The following PI4KA variants were observed in gnomAD, a reference collection of about 807,000 sequenced individuals.
The protein encoded by PI4KA is phosphatidylinositol 4-kinase alpha, also known as PI4-kinase alpha.
PI4KA carries 122 observed loss-of-function variants against 271.4 expected under a neutral mutation model. That is an observed-to-expected ratio of 0.45 (90% CI 0.39 to 0.52). The LOEUF is 0.52. Among genes scored for constraint, PI4KA ranks in the 20% least tolerant of loss-of-function variants. The pLI, the probability that PI4KA is intolerant of heterozygous loss-of-function variation, is 0.00. For missense variants in PI4KA, 1,969 were observed against 2,769.1 expected (o/e 0.71, Z 6.48); for synonymous variants, 1,041 against 1,078.8 (o/e 0.96, Z 0.69).
chr22:20,741,477 C>T (rs923141976), intron 32 of PI4KA, among the ~76,000 whole-genome samples: 6 of 152,162 alleles, frequency 3.9e-5, no homozygotes, highest in African/African-American at 9.7e-5. Flanking sequence ...CTCCCCCAGG[C>T]GCCCACTGGA....
intron 23 of PI4KA, among the ~76,000 whole-genome samples, chr22:20,755,802 A>G (rs1346157782): frequency 1.3e-5 from 2 of 150,950 alleles, no homozygotes; most frequent in Non-Finnish European, 3.0e-5. Flanking sequence ...ACACTGTCAC[A>G]TAAAAAAAAA....
Position 20,751,746 on chromosome 22 carries a change from G to A in PI4KA, c.2997C>T (p.His999=), listed in dbSNP as rs747807204. The A allele has an allele frequency of 1.2e-6, 2 of 1,614,044 alleles. No homozygotes were observed. Among genetic ancestry groups the A allele is most frequent in the Admixed American group, 3.3e-5 (2 of 60,010 alleles). The part of the protein sequence containing the change: ...YLSGLVDKFP[H]LLWSGTVLKT... ...TCAGCACAGTCCCGCTCCAGAGCAA[G>A]TGGGGAAACCTGCACCAAGAGCCAG... is the stretch of plus-strand genomic sequence containing the variant. The change falls in exon 26 of 55, where the codon CAC becomes CAT. Residue 999 remains histidine (H), a synonymous_variant. Transcript: ENST00000255882.
intron 17 of PI4KA, among the ~76,000 whole-genome samples, chr22:20,796,741 A>G (rs1935009954): frequency 6.6e-6 from 1 of 152,130 alleles, no homozygotes; most frequent in Non-Finnish European, 1.5e-5. Context: ...CAGAACTTTC[A>G]CCTCATGACC....
At chr22:20,785,098 C>CT in intron 19 of PI4KA, among the ~76,000 whole-genome samples, 1 of 135,266 alleles carries the variant, frequency 7.4e-6, no homozygotes, top group East Asian at 2.1e-4. Context: ...GAGACAGGGT[C>CT]TTGTTCTGTC....
At chr22:20,782,117 G>C (rs1044584056) in intron 19 of PI4KA, among the ~76,000 whole-genome samples, 2 of 152,148 alleles carry the variant, frequency 1.3e-5, no homozygotes, top group African/African-American at 4.8e-5. Context: ...AAGCATTTTT[G>C]GCAGCATCAA....
intron 1 of PI4KA, among the ~76,000 whole-genome samples, chr22:20,855,248 T>C (rs1927453606): frequency 6.6e-6 from 1 of 151,588 alleles, no homozygotes; most frequent in Admixed American, 6.6e-5. Context: ...ACACATATTA[T>C]AGGACTACAT....
intron 1 of PI4KA, among the ~76,000 whole-genome samples, chr22:20,853,735 G>A (rs1927267349): frequency 6.6e-6 from 1 of 152,060 alleles, no homozygotes; most frequent in South Asian, 2.1e-4. Context: ...TTTGGCTATG[G>A]GAACATGGCA....
intron 18 of PI4KA, among the ~76,000 whole-genome samples, chr22:20,793,739 GT>G (rs1934794114): frequency 6.6e-6 from 1 of 152,198 alleles, no homozygotes; most frequent in East Asian, 1.9e-4. Flanking sequence ...ATAGGCTTCT[GT>G]ATCTTTTCTA....
intron 1 of PI4KA, among the ~76,000 whole-genome samples, chr22:20,847,339 C>T (rs1199996210): frequency 6.6e-6 from 1 of 152,120 alleles, no homozygotes; most frequent in Non-Finnish European, 1.5e-5. Context: ...ATAATCCCAG[C>T]ACTTTGGGAG....
At chr22:20,844,592 A>C (rs104658) in intron 1 of PI4KA, among the ~76,000 whole-genome samples, 74,063 of 152,102 alleles carry the variant, frequency 0.49, 18,557 homozygotes, top group African/African-American at 0.59. Context: ...GGGCCCTGAA[A>C]GCCTGGAGCA....
At chr22:20,741,472 C>T (rs1239296158) in intron 32 of PI4KA, among the ~76,000 whole-genome samples, 2 of 152,132 alleles carry the variant, frequency 1.3e-5, no homozygotes, top group Admixed American at 6.5e-5. Flanking sequence ...ACAACCTCCC[C>T]CAGGCGCCCA....
rs766536133 is a variant in PI4KA at position 20,734,050 on chromosome 22, G to A, written c.4045C>T (p.Arg1349Cys). The A allele has an allele frequency of 6.3e-6, 10 of 1,590,736 alleles. No homozygotes were observed. The highest frequency in any genetic ancestry group is 2.3e-5 in the East Asian group (1 of 43,656). The change falls in exon 34 of 55, where the codon CGC (arginine) becomes TGC (cysteine). Residue 1349 changes from arginine (R) to cysteine (C), a missense_variant. By Grantham distance (180) the Arg-to-Cys change is radical (BLOSUM62 -3). Coordinates refer to ENST00000255882, the MANE Select transcript of PI4KA (RefSeq NM_058004.4). ...CAGGAAGAGGGCCCTCACTTGAAGC[G>A]GGGCCCGATGGCCGCCACGTGCCGG... ...MNRHVAAIGPRFKLLTLGLSL... is the reference protein window; with the variant it reads ...MNRHVAAIGPCFKLLTLGLSL...
rs1412703973 is a variant in PI4KA at position 20,744,671 on chromosome 22, T to C, written c.3413A>G (p.Asn1138Ser). Residue 1138 changes from asparagine (N) to serine (S), a missense_variant, in exon 30 of 55, where the codon AAC becomes AGC. Asn to Ser is a conservative substitution (Grantham distance 46). This residue lies in a region of PI4KA where 203 missense variants were observed against 256.8 expected (regional missense o/e 0.79). Transcript: ENST00000255882. ...GCGCAGATTCAGGGATGCCATGAAG[T>C]TGGAGTAGTCTTTCTTCACACAGGC... is the stretch of plus-strand genomic sequence containing the variant. ...RPACVKKDYS[N>S]FMASLNLRNR... is the part of the protein sequence containing the mutation. The C allele has an allele frequency of 1.9e-6, 3 of 1,614,148 alleles. No homozygotes were observed. Among genetic ancestry groups the C allele is most frequent in the South Asian group, 1.1e-5 (1 of 91,078 alleles).
At chr22:20,849,935 A>G (rs1926751977) in intron 1 of PI4KA, among the ~76,000 whole-genome samples, 1 of 152,164 alleles carries the variant, frequency 6.6e-6, no homozygotes, top group Admixed American at 6.5e-5. Flanking sequence ...TTCAGAATAA[A>G]TCTACAGAGA....
chr22:20,779,229 A>G, intron 19 of PI4KA: 2 of 1,606,730 alleles, frequency 1.2e-6, no homozygotes, highest in East Asian at 4.5e-5. Context: ...GGAACCTGCC[A>G]TGTGGATGCT....
chr22:20,743,394 T>C (rs1929688082), intron 30 of PI4KA, among the ~76,000 whole-genome samples: 1 of 152,154 alleles, frequency 6.6e-6, no homozygotes, highest in South Asian at 2.1e-4. Context: ...TCCGCCCACC[T>C]TGGCCTCCCT....
In PI4KA at chr22:20,858,755, G is replaced by A. The variant is rs1319325060; in HGVS notation, c.-30C>T. 2.9e-6 allele frequency: 4 copies of A among 1,366,492 alleles called. No homozygotes were observed. The highest frequency in any genetic ancestry group is 3.8e-6 in the Non-Finnish European group (4 of 1,057,476). The allele number at this position is 1,366,492 out of a possible 1,614,324, so 84.6% of individuals were successfully genotyped here. On this transcript the variant is annotated 5_prime_UTR_variant, in exon 1 of 55. Transcript: ENST00000255882. ...TCACGAGCCGCGGCGCTGCCCGCCG[G>A]CTCCCCGCTCCTGGCCCGCGAGCGC... is the stretch of plus-strand genomic sequence containing the variant.
chr22:20,720,025 CAAAAAA>C (rs869149471), intron 43 of PI4KA, among the ~76,000 whole-genome samples: 5 of 35,388 alleles, frequency 1.4e-4, no homozygotes, highest in African/African-American at 4.4e-4. Context: ...GACTCTGTCT[CAAAAAA>C]AAAAAAAAAA....
Position 20,786,433 on chromosome 22 carries a change from T to C in PI4KA, c.2328+6760A>G, listed in dbSNP as rs544937118. Among the ~76,000 whole-genome samples, 18 of 152,296 alleles carry C rather than the reference T, an allele frequency of 1.2e-4. No individual in the cohort carries two copies. In the East Asian group the frequency reaches 3.3e-3, roughly 28 times the overall value. On this transcript the variant is annotated intron_variant, in intron 19 of 54. Transcript: ENST00000255882. ...GAGACAGGGGAGACATGTGCTGCGGTCTGGGAAATAGCTACCCCCAGCCAA... is the reference window on the plus strand; with the variant it reads ...GAGACAGGGGAGACATGTGCTGCGGCCTGGGAAATAGCTACCCCCAGCCAA...
Sources: gnomAD v4.1 joint callset for allele counts (sites outside exome capture counted in the v4.1 genomes callset) on GRCh38, gnomAD v4.1.1 for gene constraint, gnomAD v4.1.1 regional missense constraint, MANE v1.5 for transcripts, NCBI Gene and HGNC (gene_info 2026-07-23, HGNC 2026-07-21) for gene names.